The following GLIS3 variants were observed in gnomAD, a reference collection of about 807,000 sequenced individuals.
GLIS3 encodes zinc finger protein GLIS3.
GLIS3 carries 53 observed loss-of-function variants against 78.6 expected under a neutral mutation model. The observed-to-expected ratio is 0.67, with a 90% CI of 0.54 to 0.85. GLIS3 has a LOEUF of 0.85. GLIS3 is among the 40% of genes least tolerant of loss of function. GLIS3 has a pLI of 0.00. For missense variants in GLIS3, 1,703 were observed against 1,231.1 expected (o/e 1.38, Z -5.74); for synonymous variants, 684 against 509.9 (o/e 1.34, Z -4.60).
chr9:4,160,321 C>T (rs574555596), intron 2 of GLIS3, among the ~76,000 whole-genome samples: 21 of 152,294 alleles, frequency 1.4e-4, no homozygotes, highest in African/African-American at 4.6e-4. Context: ...ACCATAAATC[C>T]GCAATGCCAA....
At chr9:4,191,242 T>C (rs547966518) in intron 2 of GLIS3, among the ~76,000 whole-genome samples, 57 of 151,972 alleles carry the variant, frequency 3.8e-4, no homozygotes, top group South Asian at 2.5e-3. Flanking sequence ...GACTGGCAAA[T>C]TGTATGAAGA....
the GLIS3 span, among the ~76,000 whole-genome samples, chr9:4,460,315 G>A: frequency 6.6e-6 from 1 of 152,176 alleles, no homozygotes; most frequent in Non-Finnish European, 1.5e-5. Context: ...AAATGGGGTT[G>A]AAAGTTCCAG....
At chr9:4,192,882 C>T (rs1157602729) in intron 2 of GLIS3, among the ~76,000 whole-genome samples, 1 of 151,788 alleles carries the variant, frequency 6.6e-6, no homozygotes, top group Non-Finnish European at 1.5e-5. Context: ...GGGAGACACT[C>T]CAGGAAGGGA....
intron 2 of GLIS3, among the ~76,000 whole-genome samples, chr9:4,187,023 G>A (rs1222588531): frequency 6.6e-6 from 1 of 152,118 alleles, no homozygotes; most frequent in African/African-American, 2.4e-5. Context: ...GTCAATTCTG[G>A]CTTTTGTTGC....
At chr9:3,938,667 T>C (rs932196608) in intron 4 of GLIS3, among the ~76,000 whole-genome samples, 1 of 152,246 alleles carries the variant, frequency 6.6e-6, no homozygotes, top group African/African-American at 2.4e-5. Context: ...CAGACATATG[T>C]TGGTTTATTT....
rs937524500 is a variant in GLIS3 at position 4,162,602 on chromosome 9, G to A, written c.389-36661C>T. 5.3e-5 allele frequency among the ~76,000 whole-genome samples: 8 copies of A among 152,272 alleles called. No individual in the cohort carries two copies. In the East Asian group the frequency reaches 5.8e-4, roughly 11 times the overall value. On this transcript the variant is annotated intron_variant, in intron 2 of 10. Coordinates refer to ENST00000381971, the MANE Select transcript of GLIS3 (RefSeq NM_001042413.2). ...TGGCCGGGTGCGGTGGCTCACGCCT[G>A]TAATCCCAGCACTTTGGGAGGCCGA...
intron 2 of GLIS3, among the ~76,000 whole-genome samples, chr9:4,170,039 T>A (rs535057365): frequency 6.6e-6 from 1 of 152,274 alleles, no homozygotes; most frequent in East Asian, 1.9e-4. Context: ...GATTCTGTGA[T>A]AAGCAGTAAA....
chr9:4,258,322 AAC>A (rs34204291), intron 2 of GLIS3, among the ~76,000 whole-genome samples: 22,428 of 152,180 alleles, frequency 0.15, 1,759 homozygotes, highest in African/African-American at 0.17. Flanking sequence ...AGTTTACAGT[AAC>A]ATATATATAC....
intron 2 of GLIS3, among the ~76,000 whole-genome samples, chr9:4,209,885 G>A (rs967465119): frequency 6.6e-6 from 1 of 151,486 alleles, no homozygotes; most frequent in Non-Finnish European, 1.5e-5. Flanking sequence ...GAGAACCACT[G>A]CTCCAGGCCA....
At chr9:3,908,299 T>A (rs1466718500) in intron 6 of GLIS3, among the ~76,000 whole-genome samples, 1 of 152,214 alleles carries the variant, frequency 6.6e-6, no homozygotes, top group Admixed American at 6.5e-5. Context: ...AGACTTTTTG[T>A]ACATTGAGTC....
Position 4,057,622 on chromosome 9 carries a change from C to G in GLIS3, c.1710+60146G>C, listed in dbSNP as rs115804024. Among the ~76,000 whole-genome samples, 1,211 of 151,326 alleles carry G rather than the reference C, an allele frequency of 8.0e-3. 15 individuals carry two copies. Among genetic ancestry groups the G allele is most frequent in the African/African-American group, 0.028 (1,156 of 41,202 alleles). ...CACATTTTGTGTGAACCAGTTTACT[C>G]CTCTTCAAATGAAAAAAAATTGAAG... is the stretch of plus-strand genomic sequence containing the variant. On this transcript the variant is annotated intron_variant, in intron 4 of 10. Coordinates refer to ENST00000381971, the MANE Select transcript of GLIS3 (RefSeq NM_001042413.2).
chr9:3,917,349 A>C, intron 6 of GLIS3, among the ~76,000 whole-genome samples: 2 of 152,346 alleles, frequency 1.3e-5, no homozygotes, highest in South Asian at 4.1e-4. Flanking sequence ...AGCTGAGGCC[A>C]AGTTAGGCAC....
In GLIS3 at chr9:4,118,047, G is replaced by A; in HGVS notation, c.1431C>T (p.Ala477=). The A allele has an allele frequency of 6.3e-7, 1 of 1,591,746 alleles. No individual in the cohort carries two copies. The highest frequency in any genetic ancestry group is 1.1e-5 in the South Asian group (1 of 88,680). ...TGGCCTGGGGCAAGGCCAGCTGCTG[G>A]GCGTGGGGCCCGAGCTCCGGGTGGT... ...HLHHPELGPH[A]QQLALPQATL... The change falls in exon 4 of 11, where the codon GCC becomes GCT. Residue 477 remains alanine, a synonymous_variant. Transcript: ENST00000381971. This position sits in a 1 kb window ranked among gnomAD's most constrained non-coding sequence, Gnocchi z 4.7.
At chr9:4,169,331 A>G (rs1816164037) in intron 2 of GLIS3, among the ~76,000 whole-genome samples, 1 of 152,230 alleles carries the variant, frequency 6.6e-6, no homozygotes, top group African/African-American at 2.4e-5. Context: ...TGAACACCCT[A>G]AGAAGTATAC....
chr9:4,312,135 A>T (rs2130529037), intron 2 of GLIS3, among the ~76,000 whole-genome samples: 1 of 152,040 alleles, frequency 6.6e-6, no homozygotes, highest in Admixed American at 6.5e-5. Flanking sequence ...TGAACCTAAA[A>T]TAAAAGTTTT....
At chr9:4,201,060 C>T (rs1366207022) in intron 2 of GLIS3, among the ~76,000 whole-genome samples, 1 of 151,098 alleles carries the variant, frequency 6.6e-6, no homozygotes, top group Non-Finnish European at 1.5e-5. Context: ...TGATTCACCA[C>T]ATAAACAGAA....
chr9:4,419,515 T>C, the GLIS3 span, among the ~76,000 whole-genome samples: 2 of 151,994 alleles, frequency 1.3e-5, no homozygotes, highest in East Asian at 1.9e-4. Flanking sequence ...TCTGGCCAGG[T>C]GCGGTGGCTC....
At chr9:4,358,912 C>T in the GLIS3 span, among the ~76,000 whole-genome samples, 34 of 152,324 alleles carry the variant, frequency 2.2e-4, no homozygotes, top group African/African-American at 7.9e-4. Context: ...CACTCTCCCA[C>T]TCCAAGACTT....
At chr9:4,046,870 T>G (rs556848101) in intron 4 of GLIS3, among the ~76,000 whole-genome samples, 5 of 152,322 alleles carry the variant, frequency 3.3e-5, no homozygotes, top group African/African-American at 1.2e-4. Flanking sequence ...CATCTAGGTA[T>G]TGCCAGAGGA....
Sources: allele counts gnomAD v4.1 joint callset (sites outside exome capture counted in the v4.1 genomes callset), GRCh38; gene constraint gnomAD v4.1.1; non-coding constraint Gnocchi (gnomAD v3.1); transcripts MANE v1.5; gene names NCBI Gene and HGNC (gene_info 2026-07-23, HGNC 2026-07-21).